DACH1: variants seen among roughly 807,000 people sequenced by gnomAD.
The protein encoded by DACH1 is dachshund family transcription factor 1.
Under a neutral mutation model 54.2 loss-of-function variants are expected in DACH1, and 12 were observed. That is an observed-to-expected ratio of 0.22 (90% CI 0.14 to 0.36). The LOEUF (loss-of-function observed/expected upper bound fraction) is 0.36. Among genes scored for constraint, DACH1 ranks in the 10% least tolerant of loss-of-function variants. The probability of loss-of-function intolerance (pLI) is 1.00; values close to 1 mark genes in which losing one functional copy is unlikely to be tolerated. For missense variants in DACH1, 805 were observed against 929.8 expected (o/e 0.87, Z 1.75); for synonymous variants, 386 against 366.2 (o/e 1.05, Z -0.62).
chr13:71,810,714 A>G (rs1887676002), intron 1 of DACH1, among the ~76,000 whole-genome samples: 1 of 152,206 alleles, frequency 6.6e-6, no homozygotes, highest in African/African-American at 2.4e-5. Flanking sequence ...CTTCAACTTC[A>G]TTATTTTTAA....
chr13:71,618,244 T>C (rs1047507193), intron 3 of DACH1, among the ~76,000 whole-genome samples: 1 of 152,124 alleles, frequency 6.6e-6, no homozygotes, highest in Non-Finnish European at 1.5e-5. Context: ...TGAGAATTTA[T>C]GTCTTTAAAA....
chr13:71,794,915 C>T (rs1886981565), intron 1 of DACH1, among the ~76,000 whole-genome samples: 1 of 152,062 alleles, frequency 6.6e-6, no homozygotes, highest in South Asian at 2.1e-4. Context: ...TCTTATTTTC[C>T]AATAATCTTA....
At chr13:71,448,431 CAAAAT>C (rs1287966841) in intron 10 of DACH1, among the ~76,000 whole-genome samples, 1 of 152,118 alleles carries the variant, frequency 6.6e-6, no homozygotes, top group Non-Finnish European at 1.5e-5. Context: ...GAAAGGAAGT[CAAAAT>C]AAAAGCAAAC....
At chr13:71,779,203 ATG>A (rs766114147) in intron 1 of DACH1, among the ~76,000 whole-genome samples, 1 of 108,294 alleles carries the variant, frequency 9.2e-6, no homozygotes, top group Non-Finnish European at 1.8e-5. Context: ...ATACGTATAT[ATG>A]TGTATATATA....
At chr13:71,659,634 C>T (rs7326539) in intron 2 of DACH1, among the ~76,000 whole-genome samples, 1,916 of 152,260 alleles carry the variant, frequency 0.013, 34 homozygotes, top group African/African-American at 0.043. Flanking sequence ...CTGTAAAGCA[C>T]TCAATTCAAT....
chr13:71,592,494 C>CAAAAAAAAAAAAAAAAAAAAAA (rs575364116), intron 3 of DACH1, among the ~76,000 whole-genome samples: 1 of 32,780 alleles, frequency 3.1e-5, no homozygotes, highest in African/African-American at 1.1e-4. Flanking sequence ...GACTCTATCT[C>CAAAAAAAAAAAAAAAAAAAAAA]AAAAAAAAAA....
chr13:71,531,188 C>T (rs779718246), intron 6 of DACH1, among the ~76,000 whole-genome samples: 3 of 151,940 alleles, frequency 2.0e-5, no homozygotes, highest in Non-Finnish European at 2.9e-5. Context: ...TCTAACTTTT[C>T]GGGAAGAGTT....
chr13:71,774,349 T>C (rs1443352986), intron 1 of DACH1, among the ~76,000 whole-genome samples: 3 of 152,036 alleles, frequency 2.0e-5, no homozygotes, highest in African/African-American at 7.2e-5. Context: ...GTATGGAGGG[T>C]TTCTGTTATC....
At chr13:71,518,013 C>T (rs1881291441) in intron 6 of DACH1, among the ~76,000 whole-genome samples, 1 of 151,762 alleles carries the variant, frequency 6.6e-6, no homozygotes, top group African/African-American at 2.4e-5. Context: ...ACTACTCTAC[C>T]TCTGTCATAT....
chr13:71,725,085 T>A (rs1883410666), intron 1 of DACH1, among the ~76,000 whole-genome samples: 1 of 151,742 alleles, frequency 6.6e-6, no homozygotes, highest in African/African-American at 2.4e-5. Flanking sequence ...AAAAAAAAAA[T>A]TCAAAAGAAA....
chr13:71,655,934 C>T (rs995834621), intron 2 of DACH1, among the ~76,000 whole-genome samples: 1 of 152,134 alleles, frequency 6.6e-6, no homozygotes, highest in African/African-American at 2.4e-5. Flanking sequence ...AATTCTGGAA[C>T]AGTCACATTT....
At chr13:71,833,178 C>T (rs1888659144) in intron 1 of DACH1, among the ~76,000 whole-genome samples, 1 of 151,820 alleles carries the variant, frequency 6.6e-6, no homozygotes, top group African/African-American at 2.4e-5. Flanking sequence ...AGCACCTGGG[C>T]TAGGAGTATT....
intron 1 of DACH1, among the ~76,000 whole-genome samples, chr13:71,834,252 A>G (rs1888696187): frequency 6.6e-6 from 1 of 151,966 alleles, no homozygotes; most frequent in Admixed American, 6.6e-5. Context: ...TAAGTACTAT[A>G]TTTTTCATAA....
In DACH1 at chr13:71,866,804, C is replaced by G. The variant is rs184643472; in HGVS notation, c.-35G>C. ...TAAGGGGAAACAGACGGAGGAGAAG[C>G]GAGAGGAAAAGTTGCCACACACCCC... On this transcript the variant is annotated 5_prime_UTR_variant, in exon 1 of 11. Coordinates refer to ENST00000613252, the MANE Select transcript of DACH1 (RefSeq NM_080759.6). 1.2e-5 allele frequency: 16 copies of G among 1,292,230 alleles called. No individual in the cohort carries two copies. The African/African-American group carries it at 2.6e-4, about 21-fold the overall frequency. The allele number at this position is 1,292,230 out of a possible 1,614,324, so 80.0% of individuals were successfully genotyped here.
At chr13:71,794,157 T>C (rs1173734142) in intron 1 of DACH1, among the ~76,000 whole-genome samples, 1 of 152,166 alleles carries the variant, frequency 6.6e-6, no homozygotes, top group Non-Finnish European at 1.5e-5. Context: ...TCCAAGCCCA[T>C]GCTCTCCGTC....
chr13:71,485,246 CAATGAAAAAAA>C (rs1878386168), intron 7 of DACH1, among the ~76,000 whole-genome samples: 1 of 149,986 alleles, frequency 6.7e-6, no homozygotes, highest in Admixed American at 6.6e-5. Flanking sequence ...AGATAGACCA[CAATGAAAAAAA>C]AATGCCATAT....
At chr13:71,761,384 A>G (rs951963535) in intron 1 of DACH1, among the ~76,000 whole-genome samples, 1 of 152,204 alleles carries the variant, frequency 6.6e-6, no homozygotes, top group Non-Finnish European at 1.5e-5. Flanking sequence ...ATGTTATGCA[A>G]TAAGACAAAA....
intron 1 of DACH1, among the ~76,000 whole-genome samples, chr13:71,734,040 C>T (rs955787949): frequency 6.6e-6 from 1 of 151,804 alleles, no homozygotes; most frequent in Admixed American, 6.6e-5. Flanking sequence ...CAGAGCAACA[C>T]TCCATCTCAA....
chr13:71,503,402 C>T (rs2138238171), intron 6 of DACH1, among the ~76,000 whole-genome samples: 1 of 152,212 alleles, frequency 6.6e-6, no homozygotes, highest in Admixed American at 6.5e-5. Flanking sequence ...CTTTTATTCT[C>T]ATAGCAACAT....
Sources: allele counts gnomAD v4.1 joint callset (sites outside exome capture counted in the v4.1 genomes callset), GRCh38; gene constraint gnomAD v4.1.1; transcripts MANE v1.5; gene names NCBI Gene and HGNC (gene_info 2026-07-23, HGNC 2026-07-21).